The following KIF13B variants were observed in gnomAD, a reference collection of about 807,000 sequenced individuals.
The protein encoded by KIF13B is kinesin family member 13B, also known as kinesin-like protein KIF13B.
Under a neutral mutation model 222.0 loss-of-function variants are expected in KIF13B, and 127 were observed. The observed-to-expected ratio is 0.57, with a 90% CI of 0.50 to 0.66. KIF13B has a LOEUF of 0.66. Among genes scored for constraint, KIF13B ranks in the 30% least tolerant of loss-of-function variants. KIF13B has a pLI of 0.00. For missense variants in KIF13B, 2,173 were observed against 2,379.0 expected (o/e 0.91, Z 1.80); for synonymous variants, 976 against 919.0 (o/e 1.06, Z -1.12).
rs1173486724 is a variant in KIF13B at position 29,067,788 on chromosome 8, G to A, written c.*2716C>T. The A allele has an allele frequency of 6.6e-6, 1 of 152,464 alleles. No individual in the cohort carries two copies. Among genetic ancestry groups the A allele is most frequent in the Non-Finnish European group, 1.5e-5 (1 of 68,214 alleles). The allele number at this position is 152,464 out of a possible 1,614,324, so 9.4% of individuals were successfully genotyped here. ...GGGATCAGAACTCCTCCACCTCTCA[G>A]GCTCCAGCAGTCACATTCCCAGCTC... On this transcript the variant is annotated 3_prime_UTR_variant, in exon 40 of 40. Coordinates refer to ENST00000524189, the MANE Select transcript of KIF13B (RefSeq NM_015254.4).
At chr8:29,216,865 CTAT>C (rs1191673594) in intron 2 of KIF13B, among the ~76,000 whole-genome samples, 1 of 151,894 alleles carries the variant, frequency 6.6e-6, no homozygotes, top group Non-Finnish European at 1.5e-5. Context: ...AGGGCTGAAG[CTAT>C]GTGAGCTTCA....
chr8:29,213,889 G>A (rs1302916442), intron 2 of KIF13B, among the ~76,000 whole-genome samples: 1 of 152,140 alleles, frequency 6.6e-6, no homozygotes, highest in African/African-American at 2.4e-5. Context: ...GGCAGGCGGA[G>A]GTTGCAGTGA....
intron 38 of KIF13B, among the ~76,000 whole-genome samples, chr8:29,073,904 A>G (rs1480123387): frequency 1.3e-5 from 2 of 152,234 alleles, no homozygotes; most frequent in African/African-American, 4.8e-5. Flanking sequence ...CAATAGATCA[A>G]TAACTGTCAC....
intron 21 of KIF13B, among the ~76,000 whole-genome samples, chr8:29,135,237 G>T (rs1024470309): frequency 6.6e-6 from 1 of 151,944 alleles, no homozygotes; most frequent in African/African-American, 2.4e-5. Context: ...TAGAGATGAG[G>T]TCTCACCATG....
At chr8:29,158,576 G>A (rs897822006) in intron 13 of KIF13B, among the ~76,000 whole-genome samples, 4 of 152,210 alleles carry the variant, frequency 2.6e-5, no homozygotes, top group Non-Finnish European at 4.4e-5. Flanking sequence ...ATCCAGAGAC[G>A]TGAATTCATC....
chr8:29,127,695 T>G (rs1212192562), intron 24 of KIF13B, among the ~76,000 whole-genome samples: 4 of 152,208 alleles, frequency 2.6e-5, no homozygotes, highest in African/African-American at 9.6e-5. Context: ...TCATACACTG[T>G]AAGTGGGAAT....
At chr8:29,119,960 T>C (rs1468684732) in intron 29 of KIF13B, among the ~76,000 whole-genome samples, 1 of 152,196 alleles carries the variant, frequency 6.6e-6, no homozygotes, top group Non-Finnish European at 1.5e-5. Context: ...ACTCATCTAT[T>C]AAGGAGAGTT....
chr8:29,254,706 A>G (rs1218339739), intron 1 of KIF13B, among the ~76,000 whole-genome samples: 1 of 152,236 alleles, frequency 6.6e-6, no homozygotes, highest in Non-Finnish European at 1.5e-5. Context: ...TTCTATGGGA[A>G]TGTAAAATGG....
chr8:29,104,728 C>A (rs1280785507), intron 35 of KIF13B, among the ~76,000 whole-genome samples: 1 of 151,986 alleles, frequency 6.6e-6, no homozygotes, highest in Non-Finnish European at 1.5e-5. Context: ...CACAGACTCC[C>A]TCTACTTTTT....
chr8:29,176,305 G>T, intron 9 of KIF13B, 126 bp from the exon 10 acceptor site: 1 of 627,498 alleles, frequency 1.6e-6, no homozygotes, highest in Admixed American at 2.9e-5. Flanking sequence ...TCAGCATTTT[G>T]CCGCTCAGTT....
intron 1 of KIF13B, among the ~76,000 whole-genome samples, chr8:29,250,778 G>A (rs1042288254): frequency 2.0e-5 from 3 of 152,190 alleles, no homozygotes; most frequent in African/African-American, 7.2e-5. Flanking sequence ...GCAAGCTTAA[G>A]GGTCAGATAT....
chr8:29,071,918 C>A lies in KIF13B; in HGVS notation c.4920G>T (p.Pro1640=), dbSNP rs1189243187. The change falls in exon 39 of 40, where the codon CCG becomes CCT. Residue 1640 remains proline (P), a synonymous_variant. Coordinates refer to ENST00000524189, the MANE Select transcript of KIF13B (RefSeq NM_015254.4). This position sits in a 1 kb window ranked among gnomAD's most constrained non-coding sequence, Gnocchi z 4.9. ...PGRERPDLEA[P]APGSPFRVRR... ...GGACGCGGAACGGGGAGCCGGGCGC[C>A]GGGGCCTCGAGGTCGGGGCGCTCCC... 1.4e-6 allele frequency: 2 copies of A among 1,440,882 alleles called. No individual in the cohort carries two copies. The highest frequency in any genetic ancestry group is 3.0e-5 in the East Asian group (1 of 33,822). 89.3% of individuals were successfully genotyped at this position (1,440,882 alleles called of 1,614,324 possible). A position where few individuals can be genotyped will look rare whatever the true frequency, so the allele number is the denominator to read the frequency against.
At chr8:29,159,136 A>T (rs1445768101) in intron 13 of KIF13B, among the ~76,000 whole-genome samples, 1 of 152,154 alleles carries the variant, frequency 6.6e-6, no homozygotes, top group Non-Finnish European at 1.5e-5. Flanking sequence ...GTTCAGAAGC[A>T]AAGTAAGTAA....
At chr8:29,159,391 C>T (rs1811672826) in intron 13 of KIF13B, among the ~76,000 whole-genome samples, 1 of 152,152 alleles carries the variant, frequency 6.6e-6, no homozygotes, top group Non-Finnish European at 1.5e-5. Flanking sequence ...CTCAAGTGAT[C>T]TGCCCGCCTC....
intron 38 of KIF13B, among the ~76,000 whole-genome samples, chr8:29,074,529 C>T (rs565710074): frequency 6.6e-6 from 1 of 152,374 alleles, no homozygotes; most frequent in South Asian, 2.1e-4. Context: ...TGATGAGCTA[C>T]AGAAGCTGCT....
chr8:29,097,425 T>C (rs1563697019), intron 36 of KIF13B, among the ~76,000 whole-genome samples: 2 of 152,186 alleles, frequency 1.3e-5, no homozygotes, highest in Non-Finnish European at 2.9e-5. Context: ...CAAGAACTGA[T>C]GGAATAGGCC....
intron 18 of KIF13B, among the ~76,000 whole-genome samples, chr8:29,142,963 C>T (rs1467165382): frequency 6.6e-6 from 1 of 152,166 alleles, no homozygotes; most frequent in African/African-American, 2.4e-5. Context: ...AGTGATACTC[C>T]TGCCTCAGCC....
intron 2 of KIF13B, among the ~76,000 whole-genome samples, chr8:29,222,159 C>T (rs2130533425): frequency 6.6e-6 from 1 of 152,012 alleles, no homozygotes; most frequent in South Asian, 2.1e-4. Flanking sequence ...CCAGCCTGGG[C>T]AACAATGTGA....
chr8:29,193,786 A>G (rs1159169490), intron 3 of KIF13B, among the ~76,000 whole-genome samples: 6 of 152,204 alleles, frequency 3.9e-5, no homozygotes, highest in Admixed American at 3.9e-4. Flanking sequence ...AGTAGATGCT[A>G]TGTAAATAGT....
Sources: gnomAD v4.1 joint callset for allele counts (sites outside exome capture counted in the v4.1 genomes callset) on GRCh38, gnomAD v4.1.1 for gene constraint, Gnocchi (gnomAD v3.1) non-coding constraint, MANE v1.5 for transcripts, NCBI Gene and HGNC (gene_info 2026-07-23, HGNC 2026-07-21) for gene names.